CAP1: variants seen among roughly 807,000 people sequenced by gnomAD.
CAP1 encodes cyclase associated actin cytoskeleton regulatory protein 1.
A neutral mutation model predicts 58.2 loss-of-function variants in CAP1; 11 were observed. The observed-to-expected ratio is 0.19, with a 90% CI of 0.12 to 0.31. The LOEUF is 0.31. Among genes scored for constraint, CAP1 ranks in the 10% least tolerant of loss-of-function variants. The pLI, the probability that CAP1 is intolerant of heterozygous loss-of-function variation, is 1.00. For missense variants in CAP1, 423 were observed against 587.5 expected (o/e 0.72, Z 2.89); for synonymous variants, 183 against 213.8 (o/e 0.86, Z 1.26).
At chr1:40,059,907 C>A (rs1276381405) in intron 2 of CAP1, among the ~76,000 whole-genome samples, 160 bp from the exon 3 acceptor site, 2 of 152,164 alleles carry the variant, frequency 1.3e-5, no homozygotes, top group African/African-American at 2.4e-5. Context: ...GTCACACAAC[C>A]AGTTAGTGGT....
intron 7 of CAP1, chr1:40,067,162 T>C (rs1647123208): frequency 5.3e-6 from 1 of 188,292 alleles, no homozygotes. Flanking sequence ...CATCTTTCAC[T>C]GAAATAGGGA....
chr1:40,070,958 T>A lies in CAP1; in HGVS notation c.1323T>A (p.Ile441=), dbSNP rs1490701396. ...SAKSSEMNVL[I]PTEGGDFNEF... is the part of the protein sequence containing the mutation. The stretch of plus-strand genomic sequence containing the variant: ...AATCTTCCGAGATGAATGTCCTCAT[T>A]CCTACAGAAGGCGGTGACTTTGTAA... Residue 441 remains isoleucine (I), a synonymous_variant, in exon 12 of 13, where the codon ATT becomes ATA. Coordinates refer to ENST00000372805, the MANE Select transcript of CAP1 (RefSeq NM_006367.4). 1 of 1,613,162 alleles carries A rather than the reference T, an allele frequency of 6.2e-7. No individual in the cohort carries two copies. The highest frequency in any genetic ancestry group is 8.5e-7 in the Non-Finnish European group (1 of 1,179,726).
chr1:40,068,186 A>G (rs535105276), intron 8 of CAP1, among the ~76,000 whole-genome samples: 1 of 152,360 alleles, frequency 6.6e-6, no homozygotes, highest in Admixed American at 6.5e-5. Context: ...ATCTATGATC[A>G]TAGTAGCTAA....
rs2124081593 is a variant in CAP1, at chr1:40,040,733, T to G, written c.-79T>G. 6.5e-6 allele frequency: 1 copy of G among 152,984 alleles called. No homozygotes were observed. The highest frequency in any genetic ancestry group is 1.9e-4 in the East Asian group (1 of 5,178). 9.5% of individuals were successfully genotyped at this position (152,984 alleles called of 1,614,324 possible). A position where few individuals can be genotyped will look rare whatever the true frequency, so the allele number is the denominator to read the frequency against. The stretch of plus-strand genomic sequence containing the variant: ...GGCCCGGAAGTGGGTCGCGCGGAGA[T>G]TGCTGGGCGGTTCTTGCCGGAAGCG... On this transcript the variant is annotated 5_prime_UTR_variant, in exon 1 of 13. Transcript: ENST00000372805.
chr1:40,040,433 C>A (rs1230029131), upstream of CAP1: 2 of 152,380 alleles, frequency 1.3e-5, no homozygotes, highest in African/African-American at 4.8e-5. Context: ...GGGACTTCTG[C>A]CCTTCCTGGG....
At chr1:40,067,856 G>T in intron 8 of CAP1, 139 bp downstream of exon 8, 1 of 575,610 alleles carries the variant, frequency 1.7e-6, no homozygotes, top group Non-Finnish European at 3.0e-6. Context: ...TTTAAGGGAC[G>T]GCAAAGCTGG....
intron 6 of CAP1, among the ~76,000 whole-genome samples, chr1:40,065,010 C>T (rs929265394): frequency 6.6e-6 from 1 of 152,234 alleles, no homozygotes; most frequent in Admixed American, 6.5e-5. Context: ...TATTGTCTCA[C>T]AGCTGCATTT....
chr1:40,069,710 G>A lies in CAP1; in HGVS notation c.829G>A (p.Asp277Asn), dbSNP rs1424144261. ...TACAGCCCTGAAACATGTATCTGAT[G>A]ACATGAAGACTCACAAGAACCCTGC... ...ITHALKHVSD[D>N]MKTHKNPALK... Residue 277 changes from aspartate (D) to asparagine (N), a missense_variant, in exon 9 of 13, where the codon GAC (aspartate) becomes AAC (asparagine). Transcript: ENST00000372805. The A allele has an allele frequency of 6.2e-7, 1 of 1,613,496 alleles. No homozygotes were observed. Among genetic ancestry groups the A allele is most frequent in the Admixed American group, 1.7e-5 (1 of 59,908 alleles).
At chr1:40,054,097 C>A (rs567613368) in intron 1 of CAP1, among the ~76,000 whole-genome samples, 1 of 150,084 alleles carries the variant, frequency 6.7e-6, no homozygotes, top group East Asian at 1.9e-4. Context: ...TCCATGGATT[C>A]GATAGAGAAG....
At chr1:40,069,630 C>A in intron 8 of CAP1, 60 bp from the exon 9 acceptor site, 2 of 1,436,450 alleles carry the variant, frequency 1.4e-6, no homozygotes, top group Non-Finnish European at 1.9e-6. Context: ...TTTAACATGA[C>A]GATAGCAGCT....
In CAP1 at chr1:40,071,078, A is replaced by G. The variant is rs1481745340; in HGVS notation, c.1344+99A>G. 22 of 1,160,270 alleles carry G rather than the reference A, an allele frequency of 1.9e-5. No individual in the cohort carries two copies. In the Admixed American group the frequency reaches 4.4e-4, roughly 23 times the overall value. 71.9% of individuals were successfully genotyped at this position (1,160,270 alleles called of 1,614,324 possible). A position where few individuals can be genotyped will look rare whatever the true frequency, so the allele number is the denominator to read the frequency against. ...ATTTTATGAACATTCTGCACTGAGC[A>G]GGTAAAAACCCAATAATGCACACCA... On this transcript the variant is annotated intron_variant, in intron 12 of 12. Transcript: ENST00000372805.
intron 1 of CAP1, among the ~76,000 whole-genome samples, chr1:40,048,266 C>A (rs1453234453): frequency 6.6e-6 from 1 of 152,170 alleles, no homozygotes; most frequent in Non-Finnish European, 1.5e-5. Context: ...TGGTCTCGAA[C>A]TCCTGACCTC....
intron 3 of CAP1, 117 bp downstream of exon 3, chr1:40,060,287 T>A (rs1646792621): frequency 1.5e-6 from 1 of 663,020 alleles, no homozygotes; most frequent in East Asian, 2.8e-5. Flanking sequence ...GTTTGGGGCA[T>A]TACACATGTT....
intron 1 of CAP1, among the ~76,000 whole-genome samples, chr1:40,051,375 C>T (rs534869699): frequency 3.4e-4 from 46 of 135,968 alleles, no homozygotes; most frequent in African/African-American, 1.2e-3. Flanking sequence ...CATAGTGAGA[C>T]TCTGTCTCTA....
In CAP1 at chr1:40,065,934, GA is replaced by G. The variant is rs571719162; in HGVS notation, c.525-271del. 4.7e-3 allele frequency among the ~76,000 whole-genome samples: 701 copies of G among 148,050 alleles called. 6 individuals carry two copies. The highest frequency in any genetic ancestry group is 0.016 in the African/African-American group (656 of 40,454). On this transcript the variant is annotated intron_variant, in intron 6 of 12. Coordinates refer to ENST00000372805, the MANE Select transcript of CAP1 (RefSeq NM_006367.4). The stretch of plus-strand genomic sequence containing the variant: ...TTCAATAAGCAGCAAGTGGTCAAAA[GA>G]AAAAAAAAAGTTTTGGTACTTAAAA...
intron 11 of CAP1, 159 bp from the exon 12 acceptor site, chr1:40,070,677 T>A: frequency 1.1e-6 from 1 of 902,204 alleles, no homozygotes. Context: ...AGCAAGTTCT[T>A]TTCAGGACCC....
In CAP1 at chr1:40,069,774, A is replaced by T; in HGVS notation, c.893A>T (p.Lys298Ile). Residue 298 changes from lysine to isoleucine, a missense_variant, in exon 9 of 13, where the codon AAA becomes ATA. Transcript: ENST00000372805. ...AGTGGTCCAGTACGCAGTGGCCCCA[A>T]ACCATTCTCTGCACCTAAACCCCAA... ...AQSGPVRSGP[K>I]PFSAPKPQTS... The T allele has an allele frequency of 6.2e-7, 1 of 1,613,428 alleles. No individual in the cohort carries two copies. The highest frequency in any genetic ancestry group is 1.1e-5 in the South Asian group (1 of 90,954).
intron 12 of CAP1, 97 bp from the exon 13 acceptor site, chr1:40,071,353 G>A (rs1647984192): frequency 3.6e-6 from 3 of 826,552 alleles, no homozygotes; most frequent in Non-Finnish European, 6.1e-6. Flanking sequence ...GTGCTCCTGG[G>A]GTTAAGTGGA....
At chr1:40,059,687 T>C (rs1453417556) in intron 2 of CAP1, among the ~76,000 whole-genome samples, 1 of 152,218 alleles carries the variant, frequency 6.6e-6, no homozygotes, top group Non-Finnish European at 1.5e-5. Context: ...TTCCTGCTCT[T>C]TCTTTAGCAG....
Sources: gnomAD v4.1 joint callset for allele counts (sites outside exome capture counted in the v4.1 genomes callset) on GRCh38, gnomAD v4.1.1 for gene constraint, MANE v1.5 for transcripts, NCBI Gene and HGNC (gene_info 2026-07-23, HGNC 2026-07-21) for gene names.